Variants in KBTBD2 observed in about 807,000 individuals in gnomAD.
The protein encoded by KBTBD2 is kelch repeat and BTB domain-containing protein 2.
Under a neutral mutation model 57.1 loss-of-function variants are expected in KBTBD2, and 17 were observed. The observed-to-expected ratio is 0.30, with a 90% CI of 0.20 to 0.45. The LOEUF is 0.45. KBTBD2 is among the 20% of genes least tolerant of loss of function. KBTBD2 has a pLI of 1.00. For missense variants in KBTBD2, 515 were observed against 750.6 expected (o/e 0.69, Z 3.67); for synonymous variants, 267 against 262.7 (o/e 1.02, Z -0.16).
At chr7:32,888,375 G>C (rs1438034201) in intron 1 of KBTBD2, among the ~76,000 whole-genome samples, 3 of 152,066 alleles carry the variant, frequency 2.0e-5, no homozygotes, top group African/African-American at 7.2e-5. Flanking sequence ...ATTTCAATGA[G>C]ATAGTTTTCT....
intron 2 of KBTBD2, among the ~76,000 whole-genome samples, chr7:32,877,649 A>T (rs1784346184): frequency 6.6e-6 from 1 of 152,222 alleles, no homozygotes; most frequent in Non-Finnish European, 1.5e-5. Context: ...CTCAAATTAT[A>T]TCCTGTGGAT....
chr7:32,881,124 A>C (rs1324725913), intron 1 of KBTBD2, among the ~76,000 whole-genome samples: 1 of 151,750 alleles, frequency 6.6e-6, no homozygotes, highest in Non-Finnish European at 1.5e-5. Flanking sequence ...AAGAAATTAG[A>C]TATGATAAAG....
chr7:32,872,394 G>T (rs907676499), intron 3 of KBTBD2, among the ~76,000 whole-genome samples: 1 of 152,094 alleles, frequency 6.6e-6, no homozygotes, highest in African/African-American at 2.4e-5. Flanking sequence ...AAGGAGTAAA[G>T]GTTGGCCAGG....
At position 32,870,600 on chromosome 7, in the gene KBTBD2, G is replaced by A. The variant is rs758914132; in HGVS notation, c.617C>T (p.Thr206Ile). ...EAAMLWLEYN[T>I]ESRSQYLSSV... Reference sequence around the variant, plus strand: ...AGACAAATACTGGGATCGTGATTCTGTGTTATACTCTAGCCACAGCATAGC... The same window carrying A: ...AGACAAATACTGGGATCGTGATTCTATGTTATACTCTAGCCACAGCATAGC... The change falls in exon 4 of 4, where the codon ACA (threonine) becomes ATA (isoleucine). Residue 206 changes from threonine (T) to isoleucine (I), a missense_variant. Coordinates refer to ENST00000304056, the MANE Select transcript of KBTBD2 (RefSeq NM_015483.3). The A allele has an allele frequency of 1.9e-6, 3 of 1,614,082 alleles. 1 individual carries two copies.
intron 2 of KBTBD2, among the ~76,000 whole-genome samples, chr7:32,875,955 G>C (rs1323637130): frequency 3.3e-5 from 5 of 152,076 alleles, no homozygotes; most frequent in Non-Finnish European, 7.4e-5. Flanking sequence ...TTGTGGAAAT[G>C]GTTGTGTAAC....
intron 2 of KBTBD2, among the ~76,000 whole-genome samples, chr7:32,878,812 G>A (rs945931937): frequency 6.6e-6 from 1 of 152,048 alleles, no homozygotes; most frequent in Non-Finnish European, 1.5e-5. Context: ...CAACAAAGAC[G>A]CAAAAGATCA....
intron 1 of KBTBD2, among the ~76,000 whole-genome samples, chr7:32,881,361 A>T (rs1438265620): frequency 6.6e-6 from 1 of 152,200 alleles, no homozygotes; most frequent in African/African-American, 2.4e-5. Context: ...AATCCCAAAT[A>T]GAATGCTACT....
rs147353222 is a variant in KBTBD2, at chr7:32,870,716, G to A, written c.501C>T (p.Asp167=). 1,427 of 1,614,150 alleles carry A rather than the reference G, an allele frequency of 8.8e-4. 4 individuals are homozygous for A. Among genetic ancestry groups the A allele is most frequent in the Non-Finnish European group, 1.1e-3 (1,279 of 1,180,024 alleles). Residue 167 remains aspartate, a synonymous_variant, in exon 4 of 4, where the codon GAC becomes GAT. Coordinates refer to ENST00000304056, the MANE Select transcript of KBTBD2 (RefSeq NM_015483.3). ...EHKFTAVYHQ[D]AFMQLSHDLL... Reference sequence around the variant, plus strand: ...GGTCATGTGACAGCTGCATGAACGCGTCCTGATGATACACAGCAGTGAACT... The same window carrying A: ...GGTCATGTGACAGCTGCATGAACGCATCCTGATGATACACAGCAGTGAACT...
chr7:32,873,887 A>G (rs1037231882), intron 3 of KBTBD2, among the ~76,000 whole-genome samples: 1 of 152,214 alleles, frequency 6.6e-6, no homozygotes, highest in African/African-American at 2.4e-5. Flanking sequence ...ATCAAATCCT[A>G]TTGTTTTTCC....
Position 32,879,632 on chromosome 7 carries a change from AC to A in KBTBD2, c.-29del, listed in dbSNP as rs753089260. 6.3e-7 allele frequency: 1 copy of A among 1,597,906 alleles called. No individual in the cohort carries two copies. The highest frequency in any genetic ancestry group is 8.6e-7 in the Non-Finnish European group (1 of 1,169,548). On this transcript the variant is annotated 5_prime_UTR_variant, in exon 2 of 4. Transcript: ENST00000304056. ...CTGTATTCCATTAATATCTCCAGGA[AC>A]AGATTAGAAAAGTCCGTCTTACTGA...
At chr7:32,870,907 G>A in intron 3 of KBTBD2, 27 bp from the exon 4 acceptor site, 4 of 1,328,176 alleles carry the variant, frequency 3.0e-6, no homozygotes, top group Non-Finnish European at 4.1e-6. Context: ...AAAAAAAACA[G>A]GCTGATAGGG....
intron 1 of KBTBD2, among the ~76,000 whole-genome samples, chr7:32,882,215 T>TA (rs1389163176): frequency 6.6e-6 from 1 of 152,148 alleles, no homozygotes; most frequent in Non-Finnish European, 1.5e-5. Context: ...TATGCATTAA[T>TA]AAAGTAGAAG....
chr7:32,883,337 A>G (rs913669003), intron 1 of KBTBD2, among the ~76,000 whole-genome samples: 1 of 152,228 alleles, frequency 6.6e-6, no homozygotes, highest in African/African-American at 2.4e-5. Flanking sequence ...CAGTGAACTG[A>G]GATCACACCA....
upstream of KBTBD2, chr7:32,892,080 CT>C (rs1784774001): frequency 6.6e-6 from 1 of 152,038 alleles, no homozygotes; most frequent in African/African-American, 2.4e-5. Flanking sequence ...TCCCCCGCCC[CT>C]CCCTTACTCT....
chr7:32,874,330 C>A (rs974425293), intron 3 of KBTBD2, among the ~76,000 whole-genome samples: 3 of 151,682 alleles, frequency 2.0e-5, no homozygotes, highest in African/African-American at 7.3e-5. Flanking sequence ...AACCCAGAGG[C>A]GGAGCTTGCA....
chr7:32,888,177 CT>C (rs1784628869), intron 1 of KBTBD2, among the ~76,000 whole-genome samples: 1 of 152,178 alleles, frequency 6.6e-6, no homozygotes, highest in South Asian at 2.1e-4. Flanking sequence ...CACTTGAAAT[CT>C]GAATTCAGTG....
At chr7:32,888,691 T>C (rs1384940964) in intron 1 of KBTBD2, among the ~76,000 whole-genome samples, 66 of 132,942 alleles carry the variant, frequency 5.0e-4, no homozygotes, top group Non-Finnish European at 8.5e-4. Flanking sequence ...CGAGACTCCG[T>C]CCCAAAAAAA....
intron 1 of KBTBD2, among the ~76,000 whole-genome samples, chr7:32,882,304 A>G (rs1041930183): frequency 3.3e-5 from 5 of 152,210 alleles, no homozygotes; most frequent in Non-Finnish European, 7.3e-5. Context: ...GCCAGGGCCA[A>G]GACAGACTTA....
At chr7:32,883,154 T>C (rs73100263) in intron 1 of KBTBD2, among the ~76,000 whole-genome samples, 28,347 of 151,938 alleles carry the variant, frequency 0.19, 3,597 homozygotes, top group Admixed American at 0.4. Flanking sequence ...GCAGATCACT[T>C]GAGGCCTGAG....
Sources: gnomAD v4.1 joint callset for allele counts (sites outside exome capture counted in the v4.1 genomes callset) on GRCh38, gnomAD v4.1.1 for gene constraint, MANE v1.5 for transcripts, NCBI Gene and HGNC (gene_info 2026-07-23, HGNC 2026-07-21) for gene names.